CADM1: variants seen among roughly 807,000 people sequenced by gnomAD.
The protein encoded by CADM1 is TSLC-1.
In CADM1, 15 loss-of-function variants were observed where a neutral mutation model predicts 53.1. The ratio of observed to expected loss-of-function variants is 0.28; its 90% CI spans 0.19 to 0.44. The LOEUF (loss-of-function observed/expected upper bound fraction) is 0.44. Among genes scored for constraint, CADM1 ranks in the 20% least tolerant of loss-of-function variants. The probability of loss-of-function intolerance (pLI) is 1.00; values close to 1 mark genes in which losing one functional copy is unlikely to be tolerated. For missense variants in CADM1, 434 were observed against 611.3 expected, an observed-to-expected ratio of 0.71 and a Z score of 3.06; for synonymous variants, 281 against 243.0, an observed-to-expected ratio of 1.16 and a Z score of -1.45.
chr11:115,387,995 A>G (rs900347573), intron 1 of CADM1, among the ~76,000 whole-genome samples: 6 of 152,138 alleles, frequency 3.9e-5, no homozygotes, highest in African/African-American at 1.4e-4. Flanking sequence ...CAGGGAAAGG[A>G]CAAGATAAGC....
At chr11:115,299,802 G>A (rs1183268702) in intron 1 of CADM1, among the ~76,000 whole-genome samples, 5 of 152,148 alleles carry the variant, frequency 3.3e-5, no homozygotes, top group South Asian at 2.1e-4. Flanking sequence ...CACTTTAGCC[G>A]CCATTTTCTC....
intron 1 of CADM1, chr11:115,397,304 A>G (rs1947025928): frequency 6.6e-6 from 1 of 152,156 alleles, no homozygotes; most frequent in Non-Finnish European, 1.5e-5. Context: ...ACAACATTCC[A>G]AGATAGATTC....
intron 1 of CADM1, among the ~76,000 whole-genome samples, chr11:115,448,248 T>C (rs1409313096): frequency 6.6e-6 from 1 of 152,188 alleles, no homozygotes; most frequent in Non-Finnish European, 1.5e-5. Context: ...AATATGGGCG[T>C]ATTTTGACTA....
At chr11:115,248,100 T>C (rs1194058874) in intron 1 of CADM1, among the ~76,000 whole-genome samples, 2 of 152,238 alleles carry the variant, frequency 1.3e-5, no homozygotes, top group East Asian at 1.9e-4. Flanking sequence ...AAGACTAATA[T>C]GCATCAAACC....
At chr11:115,393,366 A>G (rs1946894075) in intron 1 of CADM1, among the ~76,000 whole-genome samples, 1 of 151,728 alleles carries the variant, frequency 6.6e-6, no homozygotes, top group South Asian at 2.1e-4. Flanking sequence ...TTTTATCAAC[A>G]TAAAGATATT....
intron 1 of CADM1, among the ~76,000 whole-genome samples, chr11:115,283,323 G>A (rs1167064020): frequency 6.6e-6 from 1 of 152,164 alleles, no homozygotes; most frequent in Non-Finnish European, 1.5e-5. Context: ...GTAGAAGGAA[G>A]TCATGTTGCT....
At chr11:115,397,484 G>A (rs1947029995) in intron 1 of CADM1, 1 of 152,070 alleles carries the variant, frequency 6.6e-6, no homozygotes, top group Non-Finnish European at 1.5e-5. Flanking sequence ...TAAGCACAAG[G>A]CTCCTCCCCA....
chr11:115,490,884 G>A (rs189090626), intron 1 of CADM1, among the ~76,000 whole-genome samples: 117 of 152,330 alleles, frequency 7.7e-4, no homozygotes, highest in African/African-American at 2.7e-3. Flanking sequence ...TGGGGCAACA[G>A]TGGTAACTAT....
chr11:115,492,522 A>C (rs1406942897), intron 1 of CADM1, among the ~76,000 whole-genome samples: 8 of 152,200 alleles, frequency 5.3e-5, no homozygotes, highest in East Asian at 1.9e-4. Flanking sequence ...CACACACACA[A>C]AAAAACTAAT....
chr11:115,227,211 G>A (rs558492830), intron 5 of CADM1, among the ~76,000 whole-genome samples: 30 of 152,104 alleles, frequency 2.0e-4, no homozygotes, highest in Admixed American at 1.2e-3. Flanking sequence ...TTAAAGGCTC[G>A]CAGTACTTTG....
intron 1 of CADM1, among the ~76,000 whole-genome samples, chr11:115,275,153 T>C (rs1943408965): frequency 6.6e-6 from 1 of 152,204 alleles, no homozygotes; most frequent in Non-Finnish European, 1.5e-5. Flanking sequence ...ACTAACAGCA[T>C]GGCATGGCCC....
At position 115,175,007 on chromosome 11, in the gene CADM1, T is replaced by C; in HGVS notation, c.*1467A>G. 1.0e-5 allele frequency: 10 copies of C among 985,886 alleles called. No homozygotes were observed. The South Asian group carries it at 1.4e-4, about 14-fold the overall frequency. The allele number at this position is 985,886 out of a possible 1,614,324, so 61.1% of individuals were successfully genotyped here. A position where few individuals can be genotyped will look rare whatever the true frequency, so the allele number is the denominator to read the frequency against. ...GTCACTGATTTTAGTAGCTATGCAC[T>C]ATGGCTGCCATCATGCGAGGATCAG... On this transcript the variant is annotated 3_prime_UTR_variant, in exon 12 of 12. Transcript: ENST00000331581.
chr11:115,236,794 A>G (rs1396766954), intron 3 of CADM1, among the ~76,000 whole-genome samples: 2 of 152,202 alleles, frequency 1.3e-5, no homozygotes, highest in Non-Finnish European at 2.9e-5. Context: ...AAAACAACCT[A>G]GACTGGAAGA....
At chr11:115,342,168 C>T (rs928212726) in intron 1 of CADM1, among the ~76,000 whole-genome samples, 5 of 152,226 alleles carry the variant, frequency 3.3e-5, no homozygotes, top group East Asian at 1.9e-4. Flanking sequence ...TTAAAAATTG[C>T]GACTACATTA....
intron 10 of CADM1, among the ~76,000 whole-genome samples, chr11:115,189,702 G>T (rs1288412372): frequency 6.6e-6 from 1 of 152,168 alleles, no homozygotes; most frequent in Admixed American, 6.5e-5. Flanking sequence ...ATTTATCTAT[G>T]CATTGGGATT....
chr11:115,450,109 A>T (rs556564054), intron 1 of CADM1, among the ~76,000 whole-genome samples: 2 of 152,270 alleles, frequency 1.3e-5, no homozygotes, highest in African/African-American at 4.8e-5. Context: ...CATGAGAATC[A>T]GGCATAGTGA....
intron 1 of CADM1, among the ~76,000 whole-genome samples, chr11:115,494,277 C>T (rs1249978612): frequency 6.6e-6 from 1 of 152,074 alleles, no homozygotes; most frequent in Non-Finnish European, 1.5e-5. Flanking sequence ...GAAAAATAGA[C>T]TAGAACCTTC....
At chr11:115,504,056 G>A (rs1949795461) in intron 1 of CADM1, among the ~76,000 whole-genome samples, 1 of 152,140 alleles carries the variant, frequency 6.6e-6, no homozygotes, top group Admixed American at 6.5e-5. Flanking sequence ...CATCCCTGGG[G>A]ACTCTCATTC....
chr11:115,223,791 T>C (rs1332980393), intron 5 of CADM1, among the ~76,000 whole-genome samples: 3 of 152,098 alleles, frequency 2.0e-5, no homozygotes, highest in African/African-American at 7.2e-5. Flanking sequence ...CTACTCTGTG[T>C]TAACACAAAG....
Sources: allele counts gnomAD v4.1 joint callset (sites outside exome capture counted in the v4.1 genomes callset), GRCh38; gene constraint gnomAD v4.1.1; transcripts MANE v1.5; gene names NCBI Gene and HGNC (gene_info 2026-07-23, HGNC 2026-07-21).